The following CMSS1 variants were observed in gnomAD, a reference collection of about 807,000 sequenced individuals.
CMSS1 encodes the protein cms1 ribosomal small subunit homolog, also known as protein CMSS1.
In CMSS1, 33 loss-of-function variants were observed where a neutral mutation model predicts 43.5. The observed-to-expected ratio is 0.76, with a 90% CI of 0.57 to 1.01. The LOEUF is 1.01. CMSS1 is among the 50% of genes least tolerant of loss of function. The pLI, the probability that CMSS1 is intolerant of heterozygous loss-of-function variation, is 0.00. For missense variants in CMSS1, 313 were observed against 326.4 expected (o/e 0.96, Z 0.32); for synonymous variants, 115 against 117.2 (o/e 0.98, Z 0.12).
At position 99,936,151 on chromosome 3, in the gene CMSS1, A is replaced by G. The variant is rs552798152; in HGVS notation, c.64+118108A>G. 2.0e-5 allele frequency among the ~76,000 whole-genome samples: 3 copies of G among 152,200 alleles called. No homozygotes were observed. The South Asian group carries it at 6.2e-4, about 32-fold the overall frequency. Reference sequence around the variant, plus strand: ...CTAGAGGATATTTTTGCTTGTATCAAGTAAGTGAAAAGCCTCAAAAAAGAA... The same window carrying G: ...CTAGAGGATATTTTTGCTTGTATCAGGTAAGTGAAAAGCCTCAAAAAAGAA... On this transcript the variant is annotated intron_variant, in intron 1 of 9. Coordinates refer to ENST00000421999, the MANE Select transcript of CMSS1 (RefSeq NM_032359.4).
chr3:100,138,425 A>G (rs547453442), intron 1 of CMSS1, among the ~76,000 whole-genome samples: 6 of 152,324 alleles, frequency 3.9e-5, no homozygotes, highest in African/African-American at 1.2e-4. Context: ...TTGGGAGAAA[A>G]ATTTTGCAAT....
At chr3:100,067,610 A>G (rs2065688806) in intron 1 of CMSS1, among the ~76,000 whole-genome samples, 1 of 152,224 alleles carries the variant, frequency 6.6e-6, no homozygotes, top group South Asian at 2.1e-4. Context: ...CCTTAGGGGG[A>G]AAGAAGAACA....
intron 1 of CMSS1, among the ~76,000 whole-genome samples, chr3:99,910,952 GTCT>G (rs1706768667): frequency 6.6e-6 from 1 of 152,172 alleles, no homozygotes; most frequent in Non-Finnish European, 1.5e-5. Context: ...AGACTGGCCT[GTCT>G]TCTTGGCAGA....
chr3:99,975,710 G>A (rs936306279), intron 1 of CMSS1, among the ~76,000 whole-genome samples: 2 of 152,102 alleles, frequency 1.3e-5, no homozygotes, highest in Admixed American at 6.5e-5. Context: ...TCTAGGAAAG[G>A]GACATCTCAG....
At chr3:99,942,082 T>G (rs1038417726) in intron 1 of CMSS1, among the ~76,000 whole-genome samples, 3 of 151,894 alleles carry the variant, frequency 2.0e-5, no homozygotes, top group African/African-American at 7.3e-5. Flanking sequence ...TGGGGCATGG[T>G]GGTGGGCGCC....
chr3:100,066,776 C>G (rs2065672670), intron 1 of CMSS1, among the ~76,000 whole-genome samples: 1 of 150,826 alleles, frequency 6.6e-6, no homozygotes, highest in Admixed American at 6.6e-5. Flanking sequence ...CGTGATCCGC[C>G]CGCCTCGGCC....
intron 1 of CMSS1, among the ~76,000 whole-genome samples, chr3:99,899,117 G>A (rs1219391748): frequency 2.0e-5 from 3 of 152,118 alleles, no homozygotes; most frequent in African/African-American, 7.2e-5. Flanking sequence ...GATTTTATGT[G>A]TGCATTTATT....
chr3:100,007,824 A>G (rs1293946778), intron 1 of CMSS1, among the ~76,000 whole-genome samples: 1 of 152,264 alleles, frequency 6.6e-6, no homozygotes, highest in African/African-American at 2.4e-5. Context: ...GGCCACTGCC[A>G]GCCACTGAGG....
At chr3:99,847,918 C>A in intron 1 of CMSS1, 1 of 987,794 alleles carries the variant, frequency 1.0e-6, no homozygotes, top group Non-Finnish European at 1.2e-6. Context: ...GAAAATTCAG[C>A]AAGCAATGGT....
At chr3:99,987,354 C>T (rs1709371917) in intron 1 of CMSS1, among the ~76,000 whole-genome samples, 1 of 151,454 alleles carries the variant, frequency 6.6e-6, no homozygotes, top group Admixed American at 6.6e-5. Flanking sequence ...GATGGTGAAA[C>T]CTTGCCTCTA....
At chr3:100,173,654 T>G (rs1046052173) in intron 8 of CMSS1, among the ~76,000 whole-genome samples, 11 of 152,184 alleles carry the variant, frequency 7.2e-5, no homozygotes, top group Non-Finnish European at 1.6e-4. Context: ...TAACTGATCT[T>G]TGAAGTGTGG....
chr3:100,067,560 A>G (rs1013489526), intron 1 of CMSS1, among the ~76,000 whole-genome samples: 2 of 152,202 alleles, frequency 1.3e-5, no homozygotes, highest in Non-Finnish European at 2.9e-5. Context: ...AATTTTGCAG[A>G]TTTGATTCAG....
At chr3:100,037,754 G>A (rs963952479) in intron 1 of CMSS1, among the ~76,000 whole-genome samples, 2 of 152,132 alleles carry the variant, frequency 1.3e-5, no homozygotes, top group African/African-American at 2.4e-5. Context: ...GCATAAAGCT[G>A]TGTATAAGTG....
chr3:99,872,258 C>A (rs1322317908), intron 1 of CMSS1, among the ~76,000 whole-genome samples: 1 of 123,634 alleles, frequency 8.1e-6, no homozygotes, highest in Non-Finnish European at 1.7e-5. Context: ...TGTGGATATT[C>A]TGTGCCAGGA....
At chr3:99,909,984 G>A (rs1249814959) in intron 1 of CMSS1, among the ~76,000 whole-genome samples, 3 of 83,606 alleles carry the variant, frequency 3.6e-5, no homozygotes, top group African/African-American at 9.4e-5. Context: ...GGGGCAAAAT[G>A]TGTATTCAGA....
At chr3:99,844,640 G>A (rs1943281631) in intron 1 of CMSS1, among the ~76,000 whole-genome samples, 2 of 152,074 alleles carry the variant, frequency 1.3e-5, no homozygotes, top group Admixed American at 1.3e-4. Context: ...TAAAATTTTT[G>A]ATAAAATATC....
At chr3:99,820,055 C>G (rs1942404725) in intron 1 of CMSS1, among the ~76,000 whole-genome samples, 1 of 151,806 alleles carries the variant, frequency 6.6e-6, no homozygotes, top group African/African-American at 2.4e-5. Flanking sequence ...GCCTGGCCCC[C>G]AACAGTTTTA....
chr3:100,111,744 A>G (rs1396703259), intron 1 of CMSS1, among the ~76,000 whole-genome samples: 2 of 152,190 alleles, frequency 1.3e-5, no homozygotes, highest in Admixed American at 1.3e-4. Flanking sequence ...GAAGAACCAG[A>G]TGGTATTAGT....
intron 1 of CMSS1, among the ~76,000 whole-genome samples, chr3:100,055,604 C>T (rs2065451457): frequency 6.6e-6 from 1 of 152,126 alleles, no homozygotes; most frequent in Non-Finnish European, 1.5e-5. Flanking sequence ...TTACCCATTG[C>T]TATACCACCT....
Sources: allele counts gnomAD v4.1 joint callset (sites outside exome capture counted in the v4.1 genomes callset), GRCh38; gene constraint gnomAD v4.1.1; transcripts MANE v1.5; gene names NCBI Gene and HGNC (gene_info 2026-07-23, HGNC 2026-07-21).